Variants in MDGA2 observed in about 807,000 individuals in gnomAD.
MDGA2 encodes MAM domain containing glycosylphosphatidylinositol anchor 2.
MDGA2 carries 40 observed loss-of-function variants against 117.8 expected under a neutral mutation model. That is an observed-to-expected ratio of 0.34 (90% confidence interval 0.26 to 0.44). The LOEUF is 0.44. Among genes scored for constraint, MDGA2 ranks in the 20% least tolerant of loss-of-function variants. MDGA2 has a pLI of 1.00. For synonymous variants in MDGA2, 452 were observed against 439.0 expected (o/e 1.03, Z -0.37); for missense variants, 1,123 against 1,250.6 (o/e 0.90, Z 1.54).
intron 1 of MDGA2, among the ~76,000 whole-genome samples, chr14:47,501,048 A>C (rs569567160): frequency 6.6e-5 from 10 of 152,158 alleles, no homozygotes; most frequent in Non-Finnish European, 1.5e-4. Context: ...ACCACCGATG[A>C]ATTTTATCCT....
intron 2 of MDGA2, among the ~76,000 whole-genome samples, chr14:47,237,061 T>G (rs1445230015): frequency 6.6e-6 from 1 of 152,096 alleles, no homozygotes; most frequent in African/African-American, 2.4e-5. Flanking sequence ...TCCCCAAAAG[T>G]AGAGCAAGTC....
chr14:47,564,985 C>T (rs1895888967), intron 1 of MDGA2, among the ~76,000 whole-genome samples: 1 of 151,714 alleles, frequency 6.6e-6, no homozygotes, highest in Non-Finnish European at 1.5e-5. Context: ...TTAAAATGGC[C>T]ACTTTTTTTT....
At chr14:47,619,142 CA>C (rs1897001931) in intron 1 of MDGA2, among the ~76,000 whole-genome samples, 1 of 133,184 alleles carries the variant, frequency 7.5e-6, no homozygotes, top group Non-Finnish European at 1.7e-5. Flanking sequence ...CACACACACA[CA>C]CACACACAGA....
intron 1 of MDGA2, among the ~76,000 whole-genome samples, chr14:47,317,681 A>G (rs1566736000): frequency 6.6e-6 from 1 of 152,096 alleles, no homozygotes; most frequent in Non-Finnish European, 1.5e-5. Flanking sequence ...TTGGTTGTAT[A>G]GGGAAAAGAG....
At chr14:47,556,152 T>G (rs1895678925) in intron 1 of MDGA2, among the ~76,000 whole-genome samples, 1 of 152,094 alleles carries the variant, frequency 6.6e-6, no homozygotes, top group Non-Finnish European at 1.5e-5. Flanking sequence ...CATCAGACCT[T>G]AGGTTGTGCC....
intron 3 of MDGA2, among the ~76,000 whole-genome samples, chr14:47,146,852 G>C (rs1475333761): frequency 6.6e-6 from 1 of 152,088 alleles, no homozygotes; most frequent in African/African-American, 2.4e-5. Context: ...CTTGTCAAGT[G>C]GTGGTGTCAA....
chr14:46,873,126 A>G (rs1882081647), intron 14 of MDGA2, among the ~76,000 whole-genome samples: 1 of 151,966 alleles, frequency 6.6e-6, no homozygotes, highest in Non-Finnish European at 1.5e-5. Flanking sequence ...TTCTTCGGAA[A>G]GAAGCAGCCT....
chr14:46,947,145 T>C (rs1172607758), intron 9 of MDGA2, among the ~76,000 whole-genome samples: 1 of 152,100 alleles, frequency 6.6e-6, no homozygotes, highest in African/African-American at 2.4e-5. Context: ...AGATAAACTT[T>C]TAGAATAGGA....
intron 1 of MDGA2, among the ~76,000 whole-genome samples, chr14:47,384,975 G>C (rs142791051): frequency 2.0e-5 from 3 of 152,270 alleles, no homozygotes; most frequent in African/African-American, 7.2e-5. Context: ...TTTCATAAAA[G>C]GGAGCAAACA....
At chr14:47,662,314 G>A (rs1345305593) in intron 1 of MDGA2, among the ~76,000 whole-genome samples, 2 of 151,970 alleles carry the variant, frequency 1.3e-5, no homozygotes, top group Non-Finnish European at 2.9e-5. Context: ...GCTTGAACAT[G>A]TAATATGTAT....
intron 1 of MDGA2, among the ~76,000 whole-genome samples, chr14:47,581,269 A>T (rs980067220): frequency 6.6e-6 from 1 of 151,982 alleles, no homozygotes; most frequent in African/African-American, 2.4e-5. Flanking sequence ...AATAAGAGTC[A>T]GATAAAAAAG....
chr14:47,560,750 C>G (rs1895783486), intron 1 of MDGA2, among the ~76,000 whole-genome samples: 1 of 152,104 alleles, frequency 6.6e-6, no homozygotes, highest in Non-Finnish European at 1.5e-5. Flanking sequence ...GTTGAAATTG[C>G]TTTTGGCATC....
intron 1 of MDGA2, among the ~76,000 whole-genome samples, chr14:47,510,130 G>T (rs1247555190): frequency 3.9e-5 from 6 of 152,086 alleles, no homozygotes; most frequent in African/African-American, 1.4e-4. Flanking sequence ...CATGCAGGCA[G>T]AGCCCTCCTG....
At chr14:47,604,839 G>A (rs546502822) in intron 1 of MDGA2, among the ~76,000 whole-genome samples, 46 of 152,250 alleles carry the variant, frequency 3.0e-4, no homozygotes, top group African/African-American at 1.1e-3. Context: ...CAGGAAGCCT[G>A]CTCTGGCTTT....
chr14:47,176,429 C>T (rs1212296213), intron 3 of MDGA2, among the ~76,000 whole-genome samples: 1 of 152,190 alleles, frequency 6.6e-6, no homozygotes, highest in Non-Finnish European at 1.5e-5. Context: ...ACCAAAACAG[C>T]ATGGTACTGG....
intron 3 of MDGA2, among the ~76,000 whole-genome samples, chr14:47,186,245 C>A (rs1243165532): frequency 6.6e-6 from 1 of 151,536 alleles, no homozygotes; most frequent in Non-Finnish European, 1.5e-5. Flanking sequence ...ACTCCCACCC[C>A]ATATCAATTT....
At chr14:47,523,195 T>C (rs899062932) in intron 1 of MDGA2, among the ~76,000 whole-genome samples, 6 of 152,094 alleles carry the variant, frequency 3.9e-5, no homozygotes, top group Admixed American at 6.5e-5. Context: ...AATGAAAATA[T>C]AATCAAGTCC....
At chr14:47,589,277 A>G (rs1015416026) in intron 1 of MDGA2, among the ~76,000 whole-genome samples, 2 of 152,014 alleles carry the variant, frequency 1.3e-5, no homozygotes, top group African/African-American at 4.8e-5. Context: ...ATGAAGATTT[A>G]GGCCTACATT....
chr14:47,310,045 C>T (rs1889584796), intron 1 of MDGA2, among the ~76,000 whole-genome samples: 1 of 151,964 alleles, frequency 6.6e-6, no homozygotes, highest in South Asian at 2.1e-4. Context: ...GAATTATCTT[C>T]CACAAAACAA....
Sources: gnomAD v4.1 joint callset for allele counts (sites outside exome capture counted in the v4.1 genomes callset) on GRCh38, gnomAD v4.1.1 for gene constraint, MANE v1.5 for transcripts, NCBI Gene and HGNC (gene_info 2026-07-23, HGNC 2026-07-21) for gene names.